The following CTNND2 variants were observed in gnomAD, a reference collection of about 807,000 sequenced individuals.
CTNND2 encodes catenin delta 2, also known as catenin delta-2.
A neutral mutation model predicts 144.4 loss-of-function variants in CTNND2; 22 were observed. The ratio of observed to expected loss-of-function variants is 0.15; its 90% CI spans 0.11 to 0.22. CTNND2 has a LOEUF of 0.22. CTNND2 is among the 10% of genes least tolerant of loss of function. The pLI, the probability that CTNND2 is intolerant of heterozygous loss-of-function variation, is 1.00. For missense variants in CTNND2, 1,353 were observed against 1,618.8 expected, an observed-to-expected ratio of 0.84 and a Z score of 2.82; for synonymous variants, 751 against 695.6, an observed-to-expected ratio of 1.08 and a Z score of -1.25.
At chr5:11,775,716 A>G in intron 1 of CTNND2, among the ~76,000 whole-genome samples, 1 of 152,218 alleles carries the variant, frequency 6.6e-6, no homozygotes. Flanking sequence ...CTCTGAGTAG[A>G]GTATGTGTCT....
intron 1 of CTNND2, among the ~76,000 whole-genome samples, chr5:11,892,281 G>C (rs187439401): frequency 2.0e-5 from 3 of 152,270 alleles, no homozygotes; most frequent in Admixed American, 2.0e-4. Flanking sequence ...CTGATACTGG[G>C]ATGAATAGCC....
chr5:11,134,294 G>A (rs1008496352), intron 12 of CTNND2, among the ~76,000 whole-genome samples: 2 of 152,138 alleles, frequency 1.3e-5, no homozygotes, highest in African/African-American at 4.8e-5. Context: ...TCTACTTCAT[G>A]GGTCTGAATT....
At chr5:11,289,819 T>A (rs1250646792) in intron 9 of CTNND2, among the ~76,000 whole-genome samples, 2 of 152,188 alleles carry the variant, frequency 1.3e-5, no homozygotes, top group African/African-American at 4.8e-5. Flanking sequence ...AGTTCCTCAC[T>A]ATTAACCACC....
chr5:11,402,668 A>T (rs1260331609), intron 5 of CTNND2, among the ~76,000 whole-genome samples: 2 of 152,198 alleles, frequency 1.3e-5, no homozygotes. Context: ...GTCCCCTAAA[A>T]ATAGTGGCTC....
intron 6 of CTNND2, among the ~76,000 whole-genome samples, chr5:11,392,058 GGAGAGAAAGAACAA>G: frequency 6.6e-6 from 1 of 152,262 alleles, no homozygotes; most frequent in South Asian, 2.1e-4. Flanking sequence ...TGGAGGAGGG[GGAGAGAAAGAACAA>G]GAGAGAAAGT....
intron 14 of CTNND2, 24 bp downstream of exon 14, chr5:11,110,834 G>A (rs1007719217): frequency 6.2e-7 from 1 of 1,601,094 alleles, no homozygotes; most frequent in Non-Finnish European, 8.5e-7. Context: ...ATAATTGCAT[G>A]CAGCTGCAAG....
At chr5:11,024,661 T>C (rs139975125) in intron 16 of CTNND2, among the ~76,000 whole-genome samples, 6 of 152,336 alleles carry the variant, frequency 3.9e-5, no homozygotes, top group African/African-American at 1.4e-4. Context: ...TGACTGTGTA[T>C]GGAGGACTGG....
At chr5:11,065,335 T>C (rs543493603) in intron 16 of CTNND2, among the ~76,000 whole-genome samples, 3 of 152,380 alleles carry the variant, frequency 2.0e-5, no homozygotes, top group South Asian at 4.1e-4. Flanking sequence ...TATTGTTTGT[T>C]GCTCACAGAA....
intron 2 of CTNND2, among the ~76,000 whole-genome samples, chr5:11,622,496 A>C (rs2126431174): frequency 6.6e-6 from 1 of 152,316 alleles, no homozygotes; most frequent in East Asian, 1.9e-4. Context: ...TCTCAGTTAT[A>C]TTCATATGGG....
chr5:11,816,119 C>T lies in CTNND2; in HGVS notation c.38-83847G>A, dbSNP rs117417429. Among the ~76,000 whole-genome samples, 12 of 152,290 alleles carry T rather than the reference C, an allele frequency of 7.9e-5. No individual in the cohort carries two copies. In the East Asian group the frequency reaches 2.3e-3, roughly 30 times the overall value. Reference sequence around the variant, plus strand: ...TGGGACCCACTCATGCACCTGGGGGCTGCCACTTGCCTCCTGTCTGGAGAA... The same window carrying T: ...TGGGACCCACTCATGCACCTGGGGGTTGCCACTTGCCTCCTGTCTGGAGAA... On this transcript the variant is annotated intron_variant, in intron 1 of 21. Coordinates refer to ENST00000304623, the MANE Select transcript of CTNND2 (RefSeq NM_001332.4).
chr5:11,184,656 T>C (rs566210299), intron 11 of CTNND2, among the ~76,000 whole-genome samples: 3 of 152,322 alleles, frequency 2.0e-5, no homozygotes, highest in South Asian at 4.1e-4. Flanking sequence ...ATTTGCATAG[T>C]AGATTAATCC....
At chr5:11,282,101 G>T (rs1276515240) in intron 9 of CTNND2, among the ~76,000 whole-genome samples, 1 of 152,096 alleles carries the variant, frequency 6.6e-6, no homozygotes, top group Non-Finnish European at 1.5e-5. Context: ...TCTCACGGTG[G>T]TTCGCTACCA....
At chr5:11,558,485 C>A (rs1164037256) in intron 3 of CTNND2, among the ~76,000 whole-genome samples, 1 of 152,132 alleles carries the variant, frequency 6.6e-6, no homozygotes, top group Non-Finnish European at 1.5e-5. Context: ...CCCAACTTAG[C>A]CTCCAGCGTA....
At chr5:11,296,712 T>G in intron 9 of CTNND2, among the ~76,000 whole-genome samples, 1 of 152,238 alleles carries the variant, frequency 6.6e-6, no homozygotes, top group African/African-American at 2.4e-5. Flanking sequence ...AAACCATCAT[T>G]CTCAGCAAAC....
chr5:11,095,324 T>C (rs1290446592), intron 15 of CTNND2, among the ~76,000 whole-genome samples: 1 of 152,186 alleles, frequency 6.6e-6, no homozygotes, highest in African/African-American at 2.4e-5. Flanking sequence ...AAGAAAATGG[T>C]TCTCTCATAA....
At chr5:11,522,398 C>T (rs1772817206) in intron 3 of CTNND2, among the ~76,000 whole-genome samples, 1 of 152,202 alleles carries the variant, frequency 6.6e-6, no homozygotes, top group Admixed American at 6.5e-5. Context: ...TCCCTTCCAG[C>T]TGTAAAACCC....
At chr5:11,200,719 C>T (rs1412507837) in intron 10 of CTNND2, among the ~76,000 whole-genome samples, 5 of 152,140 alleles carry the variant, frequency 3.3e-5, no homozygotes, top group East Asian at 1.9e-4. Context: ...CGCTCTGTCA[C>T]CCAGGCTGGA....
chr5:11,111,335 C>T (rs984667989), intron 13 of CTNND2, among the ~76,000 whole-genome samples: 4 of 152,204 alleles, frequency 2.6e-5, no homozygotes, highest in Admixed American at 6.5e-5. Flanking sequence ...GAATGTACAA[C>T]CACGAGAGAT....
intron 9 of CTNND2, 142 bp from the exon 10 acceptor site, chr5:11,236,965 G>A: frequency 2.5e-6 from 2 of 794,060 alleles, no homozygotes; most frequent in Non-Finnish European, 2.0e-6. Context: ...CTTACATGCA[G>A]ACCCATTTAA....
Sources: allele counts gnomAD v4.1 joint callset (sites outside exome capture counted in the v4.1 genomes callset), GRCh38; gene constraint gnomAD v4.1.1; transcripts MANE v1.5; gene names NCBI Gene and HGNC (gene_info 2026-07-23, HGNC 2026-07-21).